Variants in ZNF600 observed in about 807,000 individuals in gnomAD.
The protein encoded by ZNF600 is zinc finger protein KR-ZNF1.
A neutral mutation model predicts 7.3 loss-of-function variants in ZNF600; 4 were observed. That is an observed-to-expected ratio of 0.55 (90% CI 0.27 to 1.25). The LOEUF (loss-of-function observed/expected upper bound fraction) is 1.25, where lower values mean the gene tolerates loss of function less well. Ranked by LOEUF, ZNF600 falls within the 50% of genes most tolerant of loss-of-function variation. The pLI, the probability that ZNF600 is intolerant of heterozygous loss-of-function variation, is 0.12. For synonymous variants in ZNF600, 290 were observed against 308.9 expected (o/e 0.94, Z 0.64); for missense variants, 911 against 922.1 (o/e 0.99, Z 0.16).
chr19:52,767,802 A>C, intron 3 of ZNF600, 30 bp from the exon 6 acceptor site: 1 of 1,527,190 alleles, frequency 6.5e-7, no homozygotes, highest in Non-Finnish European at 8.8e-7. Flanking sequence ...ATAGGTTTCC[A>C]ATTAAGTACA....
the ZNF600 span, chr19:52,799,416 T>C: frequency 5.8e-6 from 4 of 687,972 alleles, no homozygotes; most frequent in Non-Finnish European, 7.5e-6. Flanking sequence ...ACCGAAAACT[T>C]TGTCACATTC....
the ZNF600 span, among the ~76,000 whole-genome samples, chr19:52,819,177 G>A: frequency 1.5e-5 from 2 of 137,836 alleles, no homozygotes; most frequent in East Asian, 4.0e-4. Flanking sequence ...AAGCTCCCAG[G>A]AGGAGGCTGG....
At chr19:52,800,086 C>A in the ZNF600 span, 6 of 1,613,916 alleles carry the variant, frequency 3.7e-6, no homozygotes, top group Non-Finnish European at 5.1e-6. Context: ...CTCCGGAAAG[C>A]CTTGTCACAA....
At chr19:52,801,620 T>G in the ZNF600 span, 4 of 1,614,058 alleles carry the variant, frequency 2.5e-6, no homozygotes, top group African/African-American at 2.7e-5. Context: ...TTGCTTGTCT[T>G]TGCAATGTCC....
chr19:52,800,196 G>C, the ZNF600 span: 1 of 1,613,248 alleles, frequency 6.2e-7, no homozygotes, highest in Non-Finnish European at 8.5e-7. Context: ...ACATTTGTAC[G>C]GTTTCTCTGC....
the ZNF600 span, among the ~76,000 whole-genome samples, chr19:52,804,663 A>G: frequency 6.6e-6 from 1 of 152,048 alleles, no homozygotes; most frequent in East Asian, 1.9e-4. Flanking sequence ...GAGCCACTGC[A>G]CCTAGCCCAT....
the ZNF600 span, among the ~76,000 whole-genome samples, chr19:52,795,954 C>T: frequency 1.2e-3 from 180 of 151,798 alleles, no homozygotes; most frequent in East Asian, 0.019. Context: ...GCAGCTGGAT[C>T]GCCTCAGCCC....
rs2062590897 is a variant in ZNF600 at position 52,767,182 on chromosome 19, A to G, written c.781T>C (p.Cys261Arg). The G allele has an allele frequency of 3.1e-6, 5 of 1,614,170 alleles. No individual in the cohort carries two copies. The East Asian group carries it at 1.1e-4, about 36-fold the overall frequency. ...TTAAAGAGCTTGCCACATACATCAC[A>G]TTTATATTGTTTGTCTCCTAAATGG... Residue 261 changes from cysteine to arginine, a missense_variant, in exon 4 of 4, where the codon TGT becomes CGT. Cys to Arg is a radical substitution (Grantham distance 180). Transcript: ENST00000648973.
At chr19:52,771,753 T>C (rs1033738294) in intron 3 of ZNF600, among the ~76,000 whole-genome samples, 8 of 152,212 alleles carry the variant, frequency 5.3e-5, no homozygotes, top group African/African-American at 1.9e-4. Flanking sequence ...TTTGGGATTA[T>C]AGTCGTGAGC....
the ZNF600 span, chr19:52,800,464 GA>G: frequency 6.2e-7 from 1 of 1,613,638 alleles, no homozygotes; most frequent in African/African-American, 1.3e-5. Context: ...TCTGCAGTAT[GA>G]AGTCTATGAT....
chr19:52,827,261 AAGAAAAAAAG>A, the ZNF600 span, among the ~76,000 whole-genome samples: 30 of 151,912 alleles, frequency 2.0e-4, no homozygotes, highest in African/African-American at 6.3e-4. Context: ...AAAAAAAAAA[AAGAAAAAAAG>A]AAAATTGGCT....
At chr19:52,773,356 C>T (rs2062646501) in intron 3 of ZNF600, among the ~76,000 whole-genome samples, 1 of 152,166 alleles carries the variant, frequency 6.6e-6, no homozygotes. Flanking sequence ...AAAAAAGCAG[C>T]AGTATGGTGG....
chr19:52,780,552 C>T (rs1237569306), intron 1 of ZNF600, 29 bp downstream of exon 3: 2 of 143,962 alleles, frequency 1.4e-5, no homozygotes, highest in East Asian at 3.9e-4. Context: ...CCCATAGGAA[C>T]ATGTCTTCAA....
the ZNF600 span, among the ~76,000 whole-genome samples, chr19:52,825,493 G>A: frequency 5.3e-4 from 81 of 152,126 alleles, no homozygotes; most frequent in Non-Finnish European, 1.0e-3. Context: ...GGCCAATATG[G>A]AGAAACTCCA....
At chr19:52,829,262 T>G in the ZNF600 span, among the ~76,000 whole-genome samples, 1 of 151,532 alleles carries the variant, frequency 6.6e-6, no homozygotes, top group Admixed American at 6.6e-5. Flanking sequence ...ATGTGCACAT[T>G]GTGCAGGTTA....
chr19:52,778,960 T>C lies in ZNF600; in HGVS notation c.-19-53A>G, dbSNP rs551596914. On this transcript the variant is annotated intron_variant, in intron 1 of 3. Transcript: ENST00000648973. The stretch of plus-strand genomic sequence containing the variant: ...TGTTAGAAATGACTCACTCCCATCC[T>C]GTGACAAAACCACATGAACAGGGGA... 414 of 1,517,912 alleles carry C rather than the reference T, an allele frequency of 2.7e-4. 1 individual carries two copies. In the African/African-American group the frequency reaches 5.2e-3, roughly 19 times the overall value. The allele number at this position is 1,517,912 out of a possible 1,614,324, so 94.0% of individuals were successfully genotyped here.
chr19:52,789,861 C>G (rs1040629562), upstream of ZNF600, among the ~76,000 whole-genome samples: 1 of 151,888 alleles, frequency 6.6e-6, no homozygotes, highest in Non-Finnish European at 1.5e-5. Context: ...GGGCTGAGTC[C>G]AAAAAGAGAG....
At chr19:52,816,703 G>A in the ZNF600 span, among the ~76,000 whole-genome samples, 7 of 102,642 alleles carry the variant, frequency 6.8e-5, no homozygotes, top group African/African-American at 2.1e-4. Flanking sequence ...ATGGTGGCGC[G>A]CACCTATAAT....
the ZNF600 span, chr19:52,801,464 A>G: frequency 1.9e-6 from 3 of 1,614,016 alleles, no homozygotes; most frequent in East Asian, 6.7e-5. Flanking sequence ...CATGCCTTTG[A>G]TCATGTTGGC....
Sources: gnomAD v4.1 joint callset for allele counts (sites outside exome capture counted in the v4.1 genomes callset) on GRCh38, gnomAD v4.1.1 for gene constraint, MANE v1.5 for transcripts, NCBI Gene and HGNC (gene_info 2026-07-23, HGNC 2026-07-21) for gene names.